The following PPM1H variants were observed in gnomAD, a reference collection of about 807,000 sequenced individuals.
The protein encoded by PPM1H is protein phosphatase 1H.
In PPM1H, 27 loss-of-function variants were observed where a neutral mutation model predicts 54.9. The observed-to-expected ratio is 0.49, with a 90% CI of 0.36 to 0.68. The LOEUF is 0.68. PPM1H is among the 30% of genes least tolerant of loss of function. The pLI, the probability that PPM1H is intolerant of heterozygous loss-of-function variation, is 0.00. For missense variants in PPM1H, 596 were observed against 667.8 expected, an observed-to-expected ratio of 0.89 and a Z score of 1.19; for synonymous variants, 305 against 270.8, an observed-to-expected ratio of 1.13 and a Z score of -1.24.
At chr12:62,789,872 G>C (rs377005263) in intron 3 of PPM1H, among the ~76,000 whole-genome samples, 1 of 152,206 alleles carries the variant, frequency 6.6e-6, no homozygotes, top group Non-Finnish European at 1.5e-5. Context: ...CTGTGTTAGC[G>C]ATAGAAGCAA....
intron 4 of PPM1H, among the ~76,000 whole-genome samples, chr12:62,786,505 G>A (rs965986969): frequency 6.6e-6 from 1 of 152,194 alleles, no homozygotes; most frequent in Non-Finnish European, 1.5e-5. Flanking sequence ...ATGGGAGGGC[G>A]GGCAGAGAGA....
At chr12:62,668,835 C>A (rs2075936646) in intron 8 of PPM1H, among the ~76,000 whole-genome samples, 1 of 152,242 alleles carries the variant, frequency 6.6e-6, no homozygotes, top group African/African-American at 2.4e-5. Context: ...GCCAAGCCTC[C>A]TATGTTTTAG....
intron 2 of PPM1H, among the ~76,000 whole-genome samples, chr12:62,820,193 T>C (rs1279534262): frequency 6.6e-6 from 1 of 152,190 alleles, no homozygotes; most frequent in East Asian, 1.9e-4. Context: ...AGCAGCCTAG[T>C]AGGGGGAGAG....
intron 4 of PPM1H, among the ~76,000 whole-genome samples, chr12:62,785,468 C>A (rs11174649): frequency 6.6e-6 from 1 of 152,200 alleles, no homozygotes; most frequent in Non-Finnish European, 1.5e-5. Context: ...TGAACCACCA[C>A]GCCCGGCCAA....
Position 62,644,961 on chromosome 12 carries a change from T to G in PPM1H, c.*3528A>C, listed in dbSNP as rs2075777196. ...TCATCAAAGCTTAACATATTCACTC[T>G]GAAAACAGCGGAGCTGCTGGGTCGC... On this transcript the variant is annotated 3_prime_UTR_variant, in exon 10 of 10. Coordinates refer to ENST00000228705, the MANE Select transcript of PPM1H (RefSeq NM_020700.2). 6.6e-6 allele frequency: 1 copy of G among 152,220 alleles called. No homozygotes were observed. Among genetic ancestry groups the G allele is most frequent in the African/African-American group, 2.4e-5 (1 of 41,456 alleles). The allele number at this position is 152,220 out of a possible 1,614,324, so 9.4% of individuals were successfully genotyped here.
intron 2 of PPM1H, among the ~76,000 whole-genome samples, chr12:62,820,164 T>G (rs990865581): frequency 1.3e-5 from 2 of 152,224 alleles, no homozygotes; most frequent in African/African-American, 4.8e-5. Flanking sequence ...CGCAGCAGTC[T>G]GAGATCAACC....
intron 1 of PPM1H, among the ~76,000 whole-genome samples, chr12:62,845,560 C>T (rs751354214): frequency 1.3e-5 from 2 of 152,186 alleles, no homozygotes; most frequent in Non-Finnish European, 2.9e-5. Context: ...GACTTGACTT[C>T]CTATCCCCAA....
chr12:62,651,995 C>T (rs2075819031), intron 9 of PPM1H, among the ~76,000 whole-genome samples: 1 of 152,174 alleles, frequency 6.6e-6, no homozygotes, highest in South Asian at 2.1e-4. Context: ...TCTGATGCTC[C>T]TTCTTAATTT....
chr12:62,871,562 T>C (rs942353619), intron 1 of PPM1H, among the ~76,000 whole-genome samples: 3 of 149,374 alleles, frequency 2.0e-5, no homozygotes, highest in Non-Finnish European at 4.4e-5. Flanking sequence ...TTGTCCATGC[T>C]GGAGGGTACT....
In PPM1H at chr12:62,915,891, C is replaced by A. The variant is rs534506424; in HGVS notation, c.245+18601G>T. 6.6e-5 allele frequency among the ~76,000 whole-genome samples: 10 copies of A among 152,286 alleles called. No homozygotes were observed. The South Asian group carries it at 1.2e-3, about 19-fold the overall frequency. On this transcript the variant is annotated intron_variant, in intron 1 of 9. Coordinates refer to ENST00000228705, the MANE Select transcript of PPM1H (RefSeq NM_020700.2). ...TTCCCAGAAATAGCCGCTTTCAAAC[C>A]GTCATGACCTTCCTCATGCTGCTGT...
At chr12:62,729,609 CCAGCACCCCATCAT>C (rs1307847653) in intron 5 of PPM1H, among the ~76,000 whole-genome samples, 1 of 152,326 alleles carries the variant, frequency 6.6e-6, no homozygotes, top group South Asian at 2.1e-4. Flanking sequence ...CATCCTGGGA[CCAGCACCCCATCAT>C]CAGCACCCCA....
intron 1 of PPM1H, among the ~76,000 whole-genome samples, chr12:62,895,430 G>A (rs940078590): frequency 6.6e-6 from 1 of 152,176 alleles, no homozygotes; most frequent in Non-Finnish European, 1.5e-5. Flanking sequence ...ACAGGGTAGT[G>A]GTTCTCAATG....
intron 8 of PPM1H, among the ~76,000 whole-genome samples, chr12:62,668,173 T>C (rs981300871): frequency 6.6e-6 from 1 of 152,174 alleles, no homozygotes; most frequent in Non-Finnish European, 1.5e-5. Flanking sequence ...CAAGCCTCTC[T>C]TGGGCTAGGC....
In PPM1H at chr12:62,689,764, C is replaced by T; in HGVS notation, c.1180G>A (p.Asp394Asn). Reference sequence around the variant, plus strand: ...GAGTCATGCACCTTCAGGTCATGGTCCCCAAGTCCCCTGGTCACTCCAATA... The same window carrying T: ...GAGTCATGCACCTTCAGGTCATGGTTCCCAAGTCCCCTGGTCACTCCAATA... ...ATIGVTRGLG[D>N]HDLKVHDSNI... The change falls in exon 8 of 10, where the codon GAC becomes AAC. Residue 394 changes from aspartate to asparagine, a missense_variant. Coordinates refer to ENST00000228705, the MANE Select transcript of PPM1H (RefSeq NM_020700.2). The T allele has an allele frequency of 4.3e-6, 7 of 1,613,704 alleles. No individual in the cohort carries two copies. The highest frequency in any genetic ancestry group is 5.9e-6 in the Non-Finnish European group (7 of 1,179,784).
In PPM1H at chr12:62,820,754, C is replaced by T. The variant is rs779016936; in HGVS notation, c.411+11360G>A. 2.6e-5 allele frequency among the ~76,000 whole-genome samples: 4 copies of T among 152,240 alleles called. No individual in the cohort carries two copies. The South Asian group carries it at 8.3e-4, about 32-fold the overall frequency. ...ACAAAAAGGACATCCACACCAACAC[C>T]CCATCTGTAGGTCACTAGCATCAAA... On this transcript the variant is annotated intron_variant, in intron 2 of 9. Transcript: ENST00000228705.
In PPM1H at chr12:62,905,535, A is replaced by G. The variant is rs538850787; in HGVS notation, c.245+28957T>C. Among the ~76,000 whole-genome samples, 125 of 152,312 alleles carry G rather than the reference A, an allele frequency of 8.2e-4. 2 individuals are homozygous for G. The highest frequency in any genetic ancestry group is 2.7e-3 in the African/African-American group (114 of 41,566). ...AGGTGTTATCATACAAAAGAAAGGAAGAGAGTATCCATTCCACTTTATTTT... is the reference window on the plus strand; with the variant it reads ...AGGTGTTATCATACAAAAGAAAGGAGGAGAGTATCCATTCCACTTTATTTT... On this transcript the variant is annotated intron_variant, in intron 1 of 9. Transcript: ENST00000228705.
At position 62,801,916 on chromosome 12, in the gene PPM1H, G is replaced by A. The variant is rs777459768; in HGVS notation, c.656C>T (p.Pro219Leu). 1.2e-6 allele frequency: 2 copies of A among 1,613,240 alleles called. No individual in the cohort carries two copies. Among genetic ancestry groups the A allele is most frequent in the Non-Finnish European group, 8.5e-7 (1 of 1,179,544 alleles). ...TGTGGGGGGCGTGCTGGGGGAGCCCGGGGCCCCCACCCCTCCGCGCAGGGA... is the reference window on the plus strand; with the variant it reads ...TGTGGGGGGCGTGCTGGGGGAGCCCAGGGCCCCCACCCCTCCGCGCAGGGA... ...AASLRGGVGA[P>L]GSPSTPPTRF... The change falls in exon 3 of 10, where the codon CCG becomes CTG. Residue 219 changes from proline (P) to leucine (L), a missense_variant. Physicochemically the swap from Pro to Leu is moderately conservative, Grantham distance 98. This residue lies in a region of PPM1H where 382 missense variants were observed against 387.1 expected (regional missense o/e 0.99). Coordinates refer to ENST00000228705, the MANE Select transcript of PPM1H (RefSeq NM_020700.2).
At chr12:62,735,652 G>GA (rs1165602416) in intron 5 of PPM1H, among the ~76,000 whole-genome samples, 1 of 152,214 alleles carries the variant, frequency 6.6e-6, no homozygotes, top group Non-Finnish European at 1.5e-5. Flanking sequence ...TGAAGAGGGG[G>GA]AGAGACCAGA....
intron 1 of PPM1H, among the ~76,000 whole-genome samples, chr12:62,874,572 GCAA>G (rs1870097471): frequency 6.6e-6 from 1 of 151,870 alleles, no homozygotes; most frequent in Non-Finnish European, 1.5e-5. Context: ...AAAGACCACT[GCAA>G]CAACCTTCCT....
Sources: gnomAD v4.1 joint callset for allele counts (sites outside exome capture counted in the v4.1 genomes callset) on GRCh38, gnomAD v4.1.1 for gene constraint, gnomAD v4.1.1 regional missense constraint, MANE v1.5 for transcripts, NCBI Gene and HGNC (gene_info 2026-07-23, HGNC 2026-07-21) for gene names.